The following NETO1 variants were observed in gnomAD, a reference collection of about 807,000 sequenced individuals.
NETO1 encodes the protein neuropilin and tolloid like 1, also known as neuropilin and tolloid-like protein 1.
Under a neutral mutation model 61.3 loss-of-function variants are expected in NETO1, and 26 were observed. The observed-to-expected ratio is 0.42, with a 90% CI of 0.31 to 0.59. NETO1 has a LOEUF of 0.59. Ranked by LOEUF, NETO1 falls within the 20% of genes least tolerant of loss-of-function variation. NETO1 has a pLI of 0.12. For missense variants in NETO1, 531 were observed against 662.8 expected (o/e 0.80, Z 2.18); for synonymous variants, 225 against 225.8 (o/e 1.00, Z 0.03).
chr18:72,848,624 G>C (rs2074159579), intron 4 of NETO1, among the ~76,000 whole-genome samples: 1 of 152,172 alleles, frequency 6.6e-6, no homozygotes, highest in African/African-American at 2.4e-5. Context: ...GTGAAATACA[G>C]TTGACAAATT....
At chr18:72,804,067 A>T (rs1478747326) in intron 4 of NETO1, among the ~76,000 whole-genome samples, 2 of 152,044 alleles carry the variant, frequency 1.3e-5, no homozygotes, top group Non-Finnish European at 2.9e-5. Flanking sequence ...TTAATATAGT[A>T]TGCTATTTAC....
chr18:72,866,098 G>A (rs577134123), intron 1 of NETO1, among the ~76,000 whole-genome samples: 11 of 152,178 alleles, frequency 7.2e-5, no homozygotes, highest in Admixed American at 5.2e-4. Context: ...CAAAACACTA[G>A]CAAAATAGTA....
intron 4 of NETO1, among the ~76,000 whole-genome samples, chr18:72,850,790 G>T (rs2074224869): frequency 6.6e-6 from 1 of 152,156 alleles, no homozygotes; most frequent in African/African-American, 2.4e-5. Flanking sequence ...TATCTTTAGG[G>T]AAATTTAGTG....
At chr18:72,792,096 C>A (rs915072081) in intron 6 of NETO1, among the ~76,000 whole-genome samples, 1 of 152,084 alleles carries the variant, frequency 6.6e-6, no homozygotes, top group South Asian at 2.1e-4. Flanking sequence ...CTTAGAGATA[C>A]ATTCAAGAAA....
In NETO1 at chr18:72,867,338, G is replaced by A; in HGVS notation, c.-47C>T. On this transcript the variant is annotated 5_prime_UTR_variant, in exon 1 of 11. Transcript: ENST00000327305. ...CTCCGGGCTCCACTAATTCCATTTAGAGACGGGAAGACTTCCAGTGGCGGG... is the reference window on the plus strand; with the variant it reads ...CTCCGGGCTCCACTAATTCCATTTAAAGACGGGAAGACTTCCAGTGGCGGG... 2 of 1,524,060 alleles carry A rather than the reference G, an allele frequency of 1.3e-6. No individual in the cohort carries two copies. Among genetic ancestry groups the A allele is most frequent in the Non-Finnish European group, 1.8e-6 (2 of 1,129,788 alleles). The allele number at this position is 1,524,060 out of a possible 1,614,324, so 94.4% of individuals were successfully genotyped here. A position where few individuals can be genotyped will look rare whatever the true frequency, so the allele number is the denominator to read the frequency against.
intron 7 of NETO1, among the ~76,000 whole-genome samples, chr18:72,756,717 G>A (rs142534066): frequency 2.2e-3 from 329 of 152,018 alleles, no homozygotes; most frequent in Non-Finnish European, 4.0e-3. Flanking sequence ...TAATATATAT[G>A]GTGATAAAAT....
rs141385659 is a variant in NETO1, at chr18:72,852,840, T to C, written c.469+5986A>G. ...ATTGATAATTTTCTTTTTCTTTTTT[T>C]TTTTTTTTTTGAGACAGGGTCTTGC... On this transcript the variant is annotated intron_variant, in intron 4 of 10. Transcript: ENST00000327305. Among the ~76,000 whole-genome samples, 810 of 150,236 alleles carry C rather than the reference T, an allele frequency of 5.4e-3. 9 individuals carry two copies. Among genetic ancestry groups the C allele is most frequent in the African/African-American group, 0.019 (782 of 41,158 alleles).
At position 72,862,493 on chromosome 18, in the gene NETO1, G is replaced by A. The variant is rs143222450; in HGVS notation, c.220+2315C>T. 4.0e-3 allele frequency among the ~76,000 whole-genome samples: 609 copies of A among 151,818 alleles called. 4 individuals carry two copies. The highest frequency in any genetic ancestry group is 0.014 in the African/African-American group (567 of 41,388). ...TTTTTCCTTTAAACCAATTTTTCCCGTCTATATTTCTTTTCTGGGATGGCA... is the reference window on the plus strand; with the variant it reads ...TTTTTCCTTTAAACCAATTTTTCCCATCTATATTTCTTTTCTGGGATGGCA... On this transcript the variant is annotated intron_variant, in intron 3 of 10. Coordinates refer to ENST00000327305, the MANE Select transcript of NETO1 (RefSeq NM_138966.5).
At chr18:72,809,268 T>C (rs1210193780) in intron 4 of NETO1, among the ~76,000 whole-genome samples, 1 of 152,188 alleles carries the variant, frequency 6.6e-6, no homozygotes, top group Admixed American at 6.5e-5. Flanking sequence ...TGTAATGATA[T>C]TATGTTAAAC....
rs541399581 is a variant in NETO1, at chr18:72,801,594, T to C, written c.470-7190A>G. Among the ~76,000 whole-genome samples, 53 of 152,324 alleles carry C rather than the reference T, an allele frequency of 3.5e-4. No homozygotes were observed. The Middle Eastern group carries it at 0.01, about 29-fold the overall frequency. ...TTTTACTGGACACTTACTGGCTATT[T>C]TCAGTTCTTAATACAATCCCAGTAA... On this transcript the variant is annotated intron_variant, in intron 4 of 10. Transcript: ENST00000327305.
At chr18:72,809,186 G>A (rs2072780134) in intron 4 of NETO1, among the ~76,000 whole-genome samples, 1 of 151,988 alleles carries the variant, frequency 6.6e-6, no homozygotes, top group South Asian at 2.1e-4. Flanking sequence ...ATATACTGAC[G>A]CAGATAGGTA....
chr18:72,754,748 T>C (rs2070732221), intron 8 of NETO1, among the ~76,000 whole-genome samples: 1 of 152,166 alleles, frequency 6.6e-6, no homozygotes, highest in Non-Finnish European at 1.5e-5. Context: ...ACACCCACTT[T>C]CAATAATGGA....
At chr18:72,762,041 CT>C (rs2070991538) in intron 7 of NETO1, among the ~76,000 whole-genome samples, 1 of 152,206 alleles carries the variant, frequency 6.6e-6, no homozygotes, top group East Asian at 1.9e-4. Flanking sequence ...AAAACTAAAA[CT>C]TGGCAAAGTG....
At chr18:72,861,315 T>G (rs1256902831) in intron 3 of NETO1, among the ~76,000 whole-genome samples, 1 of 152,242 alleles carries the variant, frequency 6.6e-6, no homozygotes, top group African/African-American at 2.4e-5. Context: ...AGCTGAATTT[T>G]AGAAGGTAGT....
intron 7 of NETO1, among the ~76,000 whole-genome samples, chr18:72,757,830 G>A (rs1189112147): frequency 6.6e-6 from 1 of 152,132 alleles, no homozygotes; most frequent in African/African-American, 2.4e-5. Context: ...GATAGTGAAT[G>A]TTGTCAAAAT....
intron 4 of NETO1, 108 bp downstream of exon 4, chr18:72,858,718 C>A: frequency 1.8e-6 from 2 of 1,125,928 alleles, no homozygotes; most frequent in Non-Finnish European, 2.5e-6. Context: ...TTAAATAGAA[C>A]TGGAACATTC....
At chr18:72,813,695 T>G (rs11659594) in intron 4 of NETO1, among the ~76,000 whole-genome samples, 17 of 152,024 alleles carry the variant, frequency 1.1e-4, no homozygotes, top group African/African-American at 3.9e-4. Context: ...AATAAGACTA[T>G]AAAGGATGCA....
chr18:72,846,606 G>A (rs940465024), intron 4 of NETO1, among the ~76,000 whole-genome samples: 1 of 149,760 alleles, frequency 6.7e-6, no homozygotes, highest in South Asian at 2.1e-4. Context: ...AATGTCAAAG[G>A]TAAAACACTT....
intron 4 of NETO1, among the ~76,000 whole-genome samples, chr18:72,845,652 G>C (rs1214819490): frequency 4.6e-5 from 7 of 152,142 alleles, no homozygotes; most frequent in Admixed American, 3.9e-4. Context: ...GTGAAGTATG[G>C]CCTCAAATGA....
Sources: gnomAD v4.1 joint callset for allele counts (sites outside exome capture counted in the v4.1 genomes callset) on GRCh38, gnomAD v4.1.1 for gene constraint, MANE v1.5 for transcripts, NCBI Gene and HGNC (gene_info 2026-07-23, HGNC 2026-07-21) for gene names.